Variants in SRGAP3 observed in about 807,000 individuals in gnomAD.
The protein encoded by SRGAP3 is SLIT-ROBO Rho GTPase-activating protein 3.
In SRGAP3, 39 loss-of-function variants were observed where a neutral mutation model predicts 121.1. That is an observed-to-expected ratio of 0.32 (90% CI 0.25 to 0.42). The LOEUF (loss-of-function observed/expected upper bound fraction) is 0.42, where lower values mean the gene tolerates loss of function less well. SRGAP3 is among the 10% of genes least tolerant of loss of function. The pLI is 1.00. For synonymous variants in SRGAP3, 601 were observed against 570.0 expected (o/e 1.05, Z -0.77); for missense variants, 1,213 against 1,470.6 (o/e 0.82, Z 2.86).
intron 3 of SRGAP3, among the ~76,000 whole-genome samples, chr3:9,101,884 G>A (rs1352115434): frequency 2.1e-5 from 3 of 140,990 alleles, no homozygotes; most frequent in Non-Finnish European, 4.9e-5. Context: ...ACGTGCAGGG[G>A]CTTCTGGAAT....
intron 1 of SRGAP3, among the ~76,000 whole-genome samples, chr3:9,198,042 G>A (rs1418399028): frequency 2.0e-5 from 3 of 152,198 alleles, no homozygotes; most frequent in African/African-American, 4.8e-5. Flanking sequence ...TAGGTTGTCT[G>A]TTGCTTTATA....
chr3:9,190,980 G>A (rs1951735499), intron 1 of SRGAP3, among the ~76,000 whole-genome samples: 1 of 152,092 alleles, frequency 6.6e-6, no homozygotes, highest in East Asian at 1.9e-4. Context: ...TTCAAGTTCT[G>A]GCCCAAGTGT....
intron 4 of SRGAP3, among the ~76,000 whole-genome samples, chr3:9,072,514 G>A (rs530587979): frequency 3.9e-5 from 6 of 152,356 alleles, no homozygotes; most frequent in African/African-American, 9.6e-5. Flanking sequence ...GACCAGTTCC[G>A]TCCCTGGATG....
At chr3:9,190,806 G>A (rs1007015759) in intron 1 of SRGAP3, among the ~76,000 whole-genome samples, 2 of 152,188 alleles carry the variant, frequency 1.3e-5, no homozygotes, top group Non-Finnish European at 2.9e-5. Context: ...AACAACTCCT[G>A]TGTAGGATCA....
intron 3 of SRGAP3, among the ~76,000 whole-genome samples, chr3:9,095,646 G>C (rs899485080): frequency 6.6e-6 from 1 of 152,124 alleles, no homozygotes; most frequent in South Asian, 2.1e-4. Flanking sequence ...ATTTATGGAG[G>C]GCTCTCTTTC....
At chr3:9,292,733 T>C (rs1014742707) in intron 3 of SRGAP3, 1 of 152,178 alleles carries the variant, frequency 6.6e-6, no homozygotes, top group Admixed American at 6.5e-5. Flanking sequence ...ATCTAATATC[T>C]AGCAAATATG....
intron 3 of SRGAP3, among the ~76,000 whole-genome samples, chr3:9,084,364 G>C (rs1025957684): frequency 6.6e-6 from 1 of 152,156 alleles, no homozygotes; most frequent in East Asian, 1.9e-4. Flanking sequence ...TTAACTGGAT[G>C]GAAGAGAAAG....
chr3:9,212,237 T>A (rs1160575970), intron 1 of SRGAP3, among the ~76,000 whole-genome samples: 3 of 152,226 alleles, frequency 2.0e-5, no homozygotes, highest in African/African-American at 7.2e-5. Context: ...TAACAGTCCA[T>A]AAACCACGCT....
At chr3:9,143,220 C>T (rs982905570) in intron 1 of SRGAP3, among the ~76,000 whole-genome samples, 2 of 152,164 alleles carry the variant, frequency 1.3e-5, no homozygotes, top group Non-Finnish European at 2.9e-5. Context: ...ATAGGAATCA[C>T]CTCTGGGCCA....
At chr3:9,139,177 A>C (rs1317825154) in intron 1 of SRGAP3, among the ~76,000 whole-genome samples, 1 of 152,216 alleles carries the variant, frequency 6.6e-6, no homozygotes, top group African/African-American at 2.4e-5. Context: ...GCCTGCCACC[A>C]AGTTGGTTCC....
At chr3:9,180,738 T>C (rs964780946) in intron 1 of SRGAP3, among the ~76,000 whole-genome samples, 4 of 152,230 alleles carry the variant, frequency 2.6e-5, no homozygotes, top group Non-Finnish European at 5.9e-5. Context: ...CAGAGAGCTT[T>C]ACCCTGTCTG....
At position 8,995,346 on chromosome 3, in the gene SRGAP3, C is replaced by T. The variant is rs188773313; in HGVS notation, c.2228-823G>A. Among the ~76,000 whole-genome samples, 242 of 152,162 alleles carry T rather than the reference C, an allele frequency of 1.6e-3. 3 individuals are homozygous for T. The highest frequency in any genetic ancestry group is 2.2e-3 in the Admixed American group (33 of 15,264). Reference sequence around the variant, plus strand: ...TTTTAATTAGCTGGGCGTGGTAGCACGTGCCTGTGGTGCCAGCTACTCTAG... The same window carrying T: ...TTTTAATTAGCTGGGCGTGGTAGCATGTGCCTGTGGTGCCAGCTACTCTAG... On this transcript the variant is annotated intron_variant, in intron 18 of 21. Transcript: ENST00000383836.
intron 3 of SRGAP3, among the ~76,000 whole-genome samples, chr3:9,272,258 T>C (rs956824207): frequency 9.2e-5 from 14 of 152,170 alleles, no homozygotes; most frequent in African/African-American, 3.4e-4. Flanking sequence ...TGTGGTAAAA[T>C]ACACACAAGA....
At chr3:9,130,403 C>T (rs894905929) in intron 1 of SRGAP3, among the ~76,000 whole-genome samples, 3 of 152,200 alleles carry the variant, frequency 2.0e-5, no homozygotes, top group Admixed American at 2.0e-4. Context: ...CTCACTCCCA[C>T]AAGACCAAAC....
At chr3:9,346,141 C>T (rs905904823) in intron 1 of SRGAP3, among the ~76,000 whole-genome samples, 2 of 152,052 alleles carry the variant, frequency 1.3e-5, no homozygotes, top group Admixed American at 6.5e-5. Context: ...AAATTTCTTA[C>T]TGCACATGTG....
chr3:9,152,759 A>G (rs1018202687), intron 1 of SRGAP3, among the ~76,000 whole-genome samples: 6 of 152,186 alleles, frequency 3.9e-5, no homozygotes, highest in African/African-American at 1.4e-4. Flanking sequence ...CTTATTCCTC[A>G]GTTGCTGGGA....
intron 4 of SRGAP3, among the ~76,000 whole-genome samples, chr3:9,066,259 C>G (rs1433673158): frequency 6.6e-6 from 1 of 152,178 alleles, no homozygotes; most frequent in Non-Finnish European, 1.5e-5. Flanking sequence ...TCTTTCTATG[C>G]TAAGAAACAA....
chr3:9,324,252 T>G (rs566039931), intron 3 of SRGAP3, among the ~76,000 whole-genome samples: 56 of 152,146 alleles, frequency 3.7e-4, no homozygotes, highest in African/African-American at 1.3e-3. Flanking sequence ...GACTCAAACA[T>G]AGAAATACAG....
Position 9,199,247 on chromosome 3 carries a change from G to A in SRGAP3, c.67+49638C>T, listed in dbSNP as rs922163220. On this transcript the variant is annotated intron_variant, in intron 1 of 21. Transcript: ENST00000383836. Reference sequence around the variant, plus strand: ...GCACACTCCCGCGACTCACTCACACGCGCTACCTCTCTGCTCCAGCTGAAA... The same window carrying A: ...GCACACTCCCGCGACTCACTCACACACGCTACCTCTCTGCTCCAGCTGAAA... Among the ~76,000 whole-genome samples the A allele has an allele frequency of 4.6e-5, 7 of 152,286 alleles. No individual in the cohort carries two copies. In the South Asian group the frequency reaches 6.2e-4, roughly 14 times the overall value.
Sources: allele counts gnomAD v4.1 joint callset (sites outside exome capture counted in the v4.1 genomes callset), GRCh38; gene constraint gnomAD v4.1.1; transcripts MANE v1.5; gene names NCBI Gene and HGNC (gene_info 2026-07-23, HGNC 2026-07-21).